The following NCOA2 variants were observed in gnomAD, a reference collection of about 807,000 sequenced individuals.
NCOA2 encodes the protein nuclear receptor coactivator 2, also known as class E basic helix-loop-helix protein 75.
A neutral mutation model predicts 145.1 loss-of-function variants in NCOA2; 21 were observed. The ratio of observed to expected loss-of-function variants is 0.14; its 90% CI spans 0.10 to 0.21. The LOEUF (loss-of-function observed/expected upper bound fraction) is 0.21, where lower values mean the gene tolerates loss of function less well. Among genes scored for constraint, NCOA2 ranks in the 10% least tolerant of loss-of-function variants. The pLI is 1.00. For missense variants in NCOA2, 1,472 were observed against 1,837.6 expected, an observed-to-expected ratio of 0.80 and a Z score of 3.64; for synonymous variants, 619 against 637.5, an observed-to-expected ratio of 0.97 and a Z score of 0.44.
intron 1 of NCOA2, among the ~76,000 whole-genome samples, chr8:70,359,768 T>C (rs543678128): frequency 2.6e-4 from 40 of 152,308 alleles, no homozygotes; most frequent in Non-Finnish European, 4.3e-4. Flanking sequence ...TTAGACTCCT[T>C]AACAGAGATT....
the NCOA2 span, among the ~76,000 whole-genome samples, chr8:70,445,554 G>A: frequency 6.6e-6 from 1 of 152,080 alleles, no homozygotes; most frequent in African/African-American, 2.4e-5. Context: ...GAATTTTTCT[G>A]GGCCTTTTAT....
At chr8:70,115,926 C>T (rs1284371715) in intron 22 of NCOA2, among the ~76,000 whole-genome samples, 1 of 152,132 alleles carries the variant, frequency 6.6e-6, no homozygotes, top group African/African-American at 2.4e-5. Context: ...GTGGCTCACA[C>T]CTGTAATCCC....
At position 70,369,298 on chromosome 8, in the gene NCOA2, T is replaced by C. The variant is rs533315043; in HGVS notation, c.-77+34402A>G. ...CCATTTAAGGAAGGCTGTAGTACAA[T>C]TGGTTCTTTTATAAAATTGAGAGAC... On this transcript the variant is annotated intron_variant, in intron 1 of 22. Coordinates refer to ENST00000452400, the MANE Select transcript of NCOA2 (RefSeq NM_006540.4). Among the ~76,000 whole-genome samples the C allele has an allele frequency of 1.6e-4, 24 of 152,354 alleles. 1 individual carries two copies. The highest frequency in any genetic ancestry group is 1.2e-3 in the South Asian group (6 of 4,830).
intron 9 of NCOA2, among the ~76,000 whole-genome samples, chr8:70,161,073 A>T (rs1224758330): frequency 6.6e-6 from 1 of 152,224 alleles, no homozygotes; most frequent in Non-Finnish European, 1.5e-5. Flanking sequence ...ACCTGAACAC[A>T]TTTAGGAAGT....
At chr8:70,431,208 A>C in the NCOA2 span, among the ~76,000 whole-genome samples, 1 of 151,926 alleles carries the variant, frequency 6.6e-6, no homozygotes, top group Non-Finnish European at 1.5e-5. Context: ...AATTAAATAA[A>C]TATTTTATTA....
intron 2 of NCOA2, among the ~76,000 whole-genome samples, chr8:70,260,433 G>C (rs1291268623): frequency 6.6e-6 from 1 of 152,130 alleles, no homozygotes; most frequent in Non-Finnish European, 1.5e-5. Flanking sequence ...ACCACGTCTG[G>C]CTGGAAATGA....
the NCOA2 span, among the ~76,000 whole-genome samples, chr8:70,441,924 G>T: frequency 6.8e-6 from 1 of 147,382 alleles, no homozygotes; most frequent in East Asian, 2.0e-4. Context: ...ACAGTCACAG[G>T]TGGGAGAAGA....
chr8:70,173,883 ATC>A (rs1237868435), intron 5 of NCOA2, among the ~76,000 whole-genome samples: 2 of 152,140 alleles, frequency 1.3e-5, no homozygotes, highest in Non-Finnish European at 2.9e-5. Flanking sequence ...ACTATTGGTT[ATC>A]TCTGTTTTAA....
At chr8:70,115,703 T>C (rs1807024164) in intron 22 of NCOA2, among the ~76,000 whole-genome samples, 1 of 152,208 alleles carries the variant, frequency 6.6e-6, no homozygotes, top group South Asian at 2.1e-4. Context: ...TTTTAATCTA[T>C]TTAAATATAT....
intron 1 of NCOA2, among the ~76,000 whole-genome samples, chr8:70,358,416 A>G (rs1478142301): frequency 3.9e-5 from 6 of 152,242 alleles, no homozygotes; most frequent in African/African-American, 1.4e-4. Flanking sequence ...AAAGACCCAT[A>G]TAAAAATCAG....
At position 70,156,055 on chromosome 8, in the gene NCOA2, G is replaced by A. The variant is rs1336909077; in HGVS notation, c.2310C>T (p.Asp770=). Residue 770 remains aspartate, a synonymous_variant, in exon 11 of 23, where the codon GAC becomes GAT. Transcript: ENST00000452400. ...TGTTACTGGCAGGATCTGTCTTACT[G>A]TCCAGTCTCTCAAGTTTGGGGGTTA... is the stretch of plus-strand genomic sequence containing the variant. ...PEITPKLERL[D]SKTDPASNTK... 1.2e-6 allele frequency: 2 copies of A among 1,613,674 alleles called. No individual in the cohort carries two copies.
chr8:70,187,923 A>ACCCAATGGCATTTTTCC (rs1435661264), intron 4 of NCOA2, among the ~76,000 whole-genome samples: 1 of 152,230 alleles, frequency 6.6e-6, no homozygotes, highest in African/African-American at 2.4e-5. Context: ...GAAAAGTTCT[A>ACCCAATGGCATTTTTCC]CCCAATGGCA....
chr8:70,199,876 A>G (rs2133495442), intron 4 of NCOA2, among the ~76,000 whole-genome samples: 1 of 152,216 alleles, frequency 6.6e-6, no homozygotes. Context: ...GATTTTTCGT[A>G]CCTCTATATA....
rs192418277 is a variant in NCOA2, at chr8:70,113,228, G to C, written c.*404C>G. 31 of 259,352 alleles carry C rather than the reference G, an allele frequency of 1.2e-4. No homozygotes were observed. The East Asian group carries it at 1.7e-3, about 15-fold the overall frequency. 16.1% of individuals were successfully genotyped at this position (259,352 alleles called of 1,614,324 possible). A position where few individuals can be genotyped will look rare whatever the true frequency, so the allele number is the denominator to read the frequency against. On this transcript the variant is annotated 3_prime_UTR_variant, in exon 23 of 23. Transcript: ENST00000452400. Reference sequence around the variant, plus strand: ...ATCTTTTGCACTAGACTGTTAGCCAGGGAAAACAAAGCAAGAAACCAGTGT... The same window carrying C: ...ATCTTTTGCACTAGACTGTTAGCCACGGAAAACAAAGCAAGAAACCAGTGT...
At chr8:70,366,518 A>G (rs1230337956) in intron 1 of NCOA2, among the ~76,000 whole-genome samples, 1 of 150,832 alleles carries the variant, frequency 6.6e-6, no homozygotes, top group Non-Finnish European at 1.5e-5. Context: ...AAGAGTTCAT[A>G]TATATATATA....
chr8:70,373,211 C>A (rs1469652677), intron 1 of NCOA2, among the ~76,000 whole-genome samples: 1 of 152,174 alleles, frequency 6.6e-6, no homozygotes, highest in Non-Finnish European at 1.5e-5. Context: ...ACACCTCAAC[C>A]AGCAAAGAAT....
chr8:70,116,977 T>G (rs1807215726), intron 22 of NCOA2, among the ~76,000 whole-genome samples: 1 of 152,198 alleles, frequency 6.6e-6, no homozygotes, highest in Admixed American at 6.5e-5. Flanking sequence ...GCCACCTGAG[T>G]AGCTGTGACT....
At chr8:70,278,397 G>T (rs1191833287) in intron 2 of NCOA2, among the ~76,000 whole-genome samples, 1 of 152,120 alleles carries the variant, frequency 6.6e-6, no homozygotes, top group Non-Finnish European at 1.5e-5. Flanking sequence ...CATCAATATA[G>T]AAAGTCTACT....
chr8:70,436,914 G>A, the NCOA2 span, among the ~76,000 whole-genome samples: 1 of 152,226 alleles, frequency 6.6e-6, no homozygotes, highest in African/African-American at 2.4e-5. Context: ...ATGCATTTTG[G>A]AGGAGGTGGC....
Sources: allele counts gnomAD v4.1 joint callset (sites outside exome capture counted in the v4.1 genomes callset), GRCh38; gene constraint gnomAD v4.1.1; transcripts MANE v1.5; gene names NCBI Gene and HGNC (gene_info 2026-07-23, HGNC 2026-07-21).